The following PRRC2B variants were observed in gnomAD, a reference collection of about 807,000 sequenced individuals.
The protein encoded by PRRC2B is proline rich coiled-coil 2B.
A neutral mutation model predicts 242.3 loss-of-function variants in PRRC2B; 68 were observed. The ratio of observed to expected loss-of-function variants is 0.28; its 90% CI spans 0.23 to 0.34. The LOEUF (loss-of-function observed/expected upper bound fraction) is 0.34. Ranked by LOEUF, PRRC2B falls within the 10% of genes least tolerant of loss-of-function variation. The probability of loss-of-function intolerance (pLI) is 1.00; values close to 1 mark genes in which losing one functional copy is unlikely to be tolerated. For synonymous variants in PRRC2B, 1,228 were observed against 1,173.6 expected (o/e 1.05, Z -0.95); for missense variants, 2,835 against 2,954.8 (o/e 0.96, Z 0.94).
At chr9:131,462,948 C>T (rs746261227) in intron 11 of PRRC2B, among the ~76,000 whole-genome samples, 6 of 149,476 alleles carry the variant, frequency 4.0e-5, no homozygotes, top group South Asian at 2.1e-4. Context: ...AAGGTCTTGA[C>T]GGTGTACATG....
intron 14 of PRRC2B, among the ~76,000 whole-genome samples, chr9:131,472,285 TA>T (rs369168602): frequency 4.0e-4 from 61 of 152,156 alleles, no homozygotes; most frequent in African/African-American, 1.3e-3. Context: ...TTGGTCCTTT[TA>T]GATTTATTGG....
chr9:131,464,976 C>T lies in PRRC2B; in HGVS notation c.1618C>T (p.Arg540Ter). The change falls in exon 12 of 32, where the codon CGA becomes TGA. Residue 540 changes from arginine (R) to a stop codon, truncating the protein, a stop_gained. Coordinates refer to ENST00000683519, the MANE Select transcript of PRRC2B (RefSeq NM_013318.4). LOFTEE classifies it high-confidence loss of function. ...GCTGGACCAGAAGTGTAAGCAGGCA[C>T]GAAAGGCAGGTGAGGCCCGGAAGCA... ...KQLDQKCKQA[R>*]KAGEARKQAE... 1.2e-6 allele frequency: 2 copies of T among 1,613,922 alleles called. No individual in the cohort carries two copies. Among genetic ancestry groups the T allele is most frequent in the Non-Finnish European group, 1.7e-6 (2 of 1,179,892 alleles).
At chr9:131,495,585 G>T (rs1204608410) in intron 31 of PRRC2B, among the ~76,000 whole-genome samples, 155 bp from the exon 32 acceptor site, 1 of 152,198 alleles carries the variant, frequency 6.6e-6, no homozygotes, top group Non-Finnish European at 1.5e-5. Flanking sequence ...CTTACTAGGA[G>T]GGGGGTTTCT....
chr9:131,448,570 A>AAAAAAAAAAAAAAAAAAAAAAAG (rs1838902755), intron 9 of PRRC2B, among the ~76,000 whole-genome samples: 1 of 140,434 alleles, frequency 7.1e-6, no homozygotes, highest in African/African-American at 2.6e-5. Context: ...AAAAAAAAAA[A>AAAAAAAAAAAAAAAAAAAAAAAG]GGAAAGAGAA....
intron 19 of PRRC2B, 117 bp from the exon 20 acceptor site, chr9:131,481,609 G>A: frequency 2.5e-6 from 2 of 800,380 alleles, no homozygotes; most frequent in South Asian, 3.0e-5. Flanking sequence ...GCGGGTGCAG[G>A]GGAGGCAGGG....
At chr9:131,468,923 T>G (rs956000222) in intron 13 of PRRC2B, among the ~76,000 whole-genome samples, 3 of 152,094 alleles carry the variant, frequency 2.0e-5, no homozygotes, top group African/African-American at 7.2e-5. Flanking sequence ...ACTCATGTTC[T>G]TGGGGTATAG....
intron 13 of PRRC2B, among the ~76,000 whole-genome samples, chr9:131,468,663 G>A (rs1166172200): frequency 6.6e-6 from 1 of 152,132 alleles, no homozygotes; most frequent in African/African-American, 2.4e-5. Context: ...ATGATACATA[G>A]ACATTACTTA....
intron 17 of PRRC2B, 48 bp from the exon 18 acceptor site, chr9:131,478,426 C>T (rs767582179): frequency 2.3e-5 from 37 of 1,590,700 alleles, no homozygotes; most frequent in Middle Eastern, 3.3e-4. Flanking sequence ...TTGTTCTTGT[C>T]TCCTGGTGAG....
chr9:131,490,337 G>T (rs1435171378), intron 28 of PRRC2B: 3 of 471,578 alleles, frequency 6.4e-6, no homozygotes, highest in Non-Finnish European at 1.3e-5. Context: ...TCCAGCTCCT[G>T]TAGGGACTCC....
At position 131,430,397 on chromosome 9, in the gene PRRC2B, T is replaced by A. The variant is rs1488002953; in HGVS notation, c.115+138T>A. 8 of 562,982 alleles carry A rather than the reference T, an allele frequency of 1.4e-5. No individual in the cohort carries two copies. The East Asian group carries it at 2.3e-4, about 17-fold the overall frequency. 34.9% of individuals were successfully genotyped at this position (562,982 alleles called of 1,614,324 possible). A position where few individuals can be genotyped will look rare whatever the true frequency, so the allele number is the denominator to read the frequency against. ...TGGGTGTGCATGTAGAATCACTCTCTACTTCCTACTTGAGGTATGATTTCA... is the reference window on the plus strand; with the variant it reads ...TGGGTGTGCATGTAGAATCACTCTCAACTTCCTACTTGAGGTATGATTTCA... On this transcript the variant is annotated intron_variant, in intron 2 of 31. Coordinates refer to ENST00000683519, the MANE Select transcript of PRRC2B (RefSeq NM_013318.4).
chr9:131,457,862 T>TG (rs1199894875), intron 10 of PRRC2B, among the ~76,000 whole-genome samples: 8 of 152,230 alleles, frequency 5.3e-5, no homozygotes, highest in East Asian at 1.9e-4. Context: ...CCTCTGTAAT[T>TG]TTCCCCTCTG....
chr9:131,403,289 TTTTG>T (rs755546686), intron 1 of PRRC2B, among the ~76,000 whole-genome samples: 37 of 152,266 alleles, frequency 2.4e-4, no homozygotes, highest in African/African-American at 6.3e-4. Flanking sequence ...TTTTCTGGTT[TTTTG>T]TTTGTTTGTT....
At chr9:131,402,468 A>G (rs141030294) in intron 1 of PRRC2B, among the ~76,000 whole-genome samples, 527 of 152,322 alleles carry the variant, frequency 3.5e-3, no homozygotes, top group Non-Finnish European at 4.0e-3. Flanking sequence ...ATTTGCATGT[A>G]TCTACCACAT....
At chr9:131,461,256 G>A (rs1454988062) in intron 11 of PRRC2B, among the ~76,000 whole-genome samples, 4 of 152,182 alleles carry the variant, frequency 2.6e-5, no homozygotes, top group Admixed American at 6.5e-5. Flanking sequence ...ACTCCTGGAT[G>A]CCCTGAATGT....
At position 131,420,482 on chromosome 9, in the gene PRRC2B, TTTCTTTCTTTC is replaced by T. The variant is rs1399580382; in HGVS notation, c.-51-9609_-51-9599del. Among the ~76,000 whole-genome samples, 79 of 15,238 alleles carry T rather than the reference TTTCTTTCTTTC, an allele frequency of 5.2e-3. 4 individuals carry two copies. Among genetic ancestry groups the T allele is most frequent in the Non-Finnish European group, 6.3e-3 (32 of 5,078 alleles). 10.0% of individuals were successfully genotyped at this position (15,238 alleles called of 152,430 possible). A position where few individuals can be genotyped will look rare whatever the true frequency, so the allele number is the denominator to read the frequency against. On this transcript the variant is annotated intron_variant, in intron 1 of 31. Coordinates refer to ENST00000683519, the MANE Select transcript of PRRC2B (RefSeq NM_013318.4). ...CTTTCTTTCTTTCTTTCTTTCTTTC[TTTCTTTCTTTC>T]TTTTTTTTTTTTTTTTTGAGATGGA...
At chr9:131,435,325 T>C (rs2131332761) in intron 3 of PRRC2B, among the ~76,000 whole-genome samples, 1 of 141,358 alleles carries the variant, frequency 7.1e-6, no homozygotes, top group East Asian at 2.2e-4. Context: ...AAAAAAGTTC[T>C]TATTGTAGGT....
chr9:131,421,075 C>G (rs570819282), intron 1 of PRRC2B, among the ~76,000 whole-genome samples: 4 of 152,202 alleles, frequency 2.6e-5, no homozygotes, highest in East Asian at 1.9e-4. Context: ...TTCCATGCTA[C>G]GACGACAGCC....
Position 131,486,531 on chromosome 9 carries a change from A to G in PRRC2B, c.5856+349A>G, listed in dbSNP as rs913361671. The G allele has an allele frequency of 5.1e-6, 5 of 985,424 alleles. No individual in the cohort carries two copies. The African/African-American group carries it at 5.2e-5, about 10-fold the overall frequency. The allele number at this position is 985,424 out of a possible 1,614,324, so 61.0% of individuals were successfully genotyped here. A position where few individuals can be genotyped will look rare whatever the true frequency, so the allele number is the denominator to read the frequency against. On this transcript the variant is annotated intron_variant, in intron 26 of 31. Transcript: ENST00000683519. ...GGCCTAAACTCCCAGGCATGGATGC[A>G]TTAGAAAGAGGTAGTCTTAGAAATG...
intron 1 of PRRC2B, among the ~76,000 whole-genome samples, chr9:131,405,592 T>G (rs1032551094): frequency 6.6e-6 from 1 of 152,090 alleles, no homozygotes; most frequent in Non-Finnish European, 1.5e-5. Context: ...ATCACACCAT[T>G]GGTTGAAGTG....
Sources: gnomAD v4.1 joint callset for allele counts (sites outside exome capture counted in the v4.1 genomes callset) on GRCh38, gnomAD v4.1.1 for gene constraint, MANE v1.5 for transcripts, NCBI Gene and HGNC (gene_info 2026-07-23, HGNC 2026-07-21) for gene names.